Variants in TENM3 observed in about 807,000 individuals in gnomAD.
The protein encoded by TENM3 is teneurin transmembrane protein 3, also known as teneurin-3.
In TENM3, 63 loss-of-function variants were observed where a neutral mutation model predicts 255.1. That is an observed-to-expected ratio of 0.25 (90% CI 0.20 to 0.30). TENM3 has a LOEUF of 0.30. TENM3 is among the 10% of genes least tolerant of loss of function. The probability of loss-of-function intolerance (pLI) is 1.00; values close to 1 mark genes in which losing one functional copy is unlikely to be tolerated. For missense variants in TENM3, 2,929 were observed against 3,461.1 expected (o/e 0.85, Z 3.86); for synonymous variants, 1,306 against 1,322.3 (o/e 0.99, Z 0.27).
At chr4:182,224,540 C>T (rs751150743) in intron 1 of TENM3, among the ~76,000 whole-genome samples, 3 of 152,038 alleles carry the variant, frequency 2.0e-5, no homozygotes, top group East Asian at 1.9e-4. Flanking sequence ...TTATTTAAAA[C>T]GTATATTTAA....
At chr4:181,565,722 T>G in the TENM3 span, among the ~76,000 whole-genome samples, 1 of 152,216 alleles carries the variant, frequency 6.6e-6, no homozygotes, top group Admixed American at 6.5e-5. Context: ...TATTTCTATG[T>G]TAGCTAGAAT....
chr4:181,708,280 G>T, the TENM3 span, among the ~76,000 whole-genome samples: 3,895 of 152,272 alleles, frequency 0.026, 174 homozygotes, highest in African/African-American at 0.089. Context: ...TTAGGTTTAA[G>T]AAAATGGCAT....
intron 1 of TENM3, among the ~76,000 whole-genome samples, chr4:182,148,030 A>C (rs1750083500): frequency 6.6e-6 from 1 of 152,160 alleles, no homozygotes; most frequent in Non-Finnish European, 1.5e-5. Context: ...AATAAAATAA[A>C]ATAAAATAAA....
At chr4:182,677,045 A>G (rs1168761509) in intron 7 of TENM3, among the ~76,000 whole-genome samples, 1 of 152,170 alleles carries the variant, frequency 6.6e-6, no homozygotes, top group East Asian at 1.9e-4. Flanking sequence ...TACAAAGCAA[A>G]ACTCACATTT....
chr4:182,693,395 G>A (rs1056992531), intron 12 of TENM3, among the ~76,000 whole-genome samples: 2 of 150,852 alleles, frequency 1.3e-5, no homozygotes, highest in African/African-American at 4.9e-5. Flanking sequence ...GGAGTGCAAT[G>A]GCTCAATCTC....
the TENM3 span, among the ~76,000 whole-genome samples, chr4:182,118,421 T>A: frequency 2.0e-5 from 3 of 152,016 alleles, no homozygotes; most frequent in Non-Finnish European, 2.9e-5. Flanking sequence ...CTGTAGGGGT[T>A]TTTTTGTAGA....
chr4:182,312,684 G>A (rs1381945764), intron 1 of TENM3, among the ~76,000 whole-genome samples: 1 of 152,220 alleles, frequency 6.6e-6, no homozygotes, highest in Admixed American at 6.5e-5. Flanking sequence ...AAAAGTAGTG[G>A]CCTCTATATT....
the TENM3 span, among the ~76,000 whole-genome samples, chr4:181,794,894 C>A: frequency 6.6e-6 from 1 of 152,080 alleles, no homozygotes; most frequent in African/African-American, 2.4e-5. Context: ...TTTTCACAGG[C>A]TGTGCTTCTC....
chr4:182,059,959 G>C, the TENM3 span, among the ~76,000 whole-genome samples: 5 of 151,674 alleles, frequency 3.3e-5, no homozygotes, highest in African/African-American at 7.3e-5. Flanking sequence ...CTAGTCTATA[G>C]AATTGGCCTT....
At chr4:181,683,562 G>T in the TENM3 span, among the ~76,000 whole-genome samples, 6 of 152,186 alleles carry the variant, frequency 3.9e-5, no homozygotes, top group East Asian at 1.2e-3. Flanking sequence ...ATGCTGATGC[G>T]ACTGGTCCTT....
At chr4:181,937,226 G>A in the TENM3 span, among the ~76,000 whole-genome samples, 1 of 152,244 alleles carries the variant, frequency 6.6e-6, no homozygotes, top group East Asian at 1.9e-4. Flanking sequence ...TGTCAGTAGA[G>A]GAGGTAGCCT....
the TENM3 span, among the ~76,000 whole-genome samples, chr4:181,694,798 A>G: frequency 6.6e-6 from 1 of 152,194 alleles, no homozygotes; most frequent in Non-Finnish European, 1.5e-5. Context: ...TCTTTTATCT[A>G]TTTAAGAGAA....
the TENM3 span, among the ~76,000 whole-genome samples, chr4:181,611,471 A>G: frequency 6.6e-6 from 1 of 151,856 alleles, no homozygotes; most frequent in Non-Finnish European, 1.5e-5. Flanking sequence ...TCCTCTTTAC[A>G]TGATACCCAG....
the TENM3 span, among the ~76,000 whole-genome samples, chr4:181,817,822 AC>A: frequency 6.6e-6 from 1 of 152,112 alleles, no homozygotes; most frequent in Non-Finnish European, 1.5e-5. Context: ...AGCCTCTAGA[AC>A]TGTAAGAAAT....
intron 3 of TENM3, among the ~76,000 whole-genome samples, chr4:182,505,167 G>A (rs1237071742): frequency 6.6e-6 from 1 of 151,920 alleles, no homozygotes; most frequent in Non-Finnish European, 1.5e-5. Context: ...ACATTACAAT[G>A]GTCTTATGAT....
At position 182,431,011 on chromosome 4, in the gene TENM3, CTAAA is replaced by C. The variant is rs60841901; in HGVS notation, c.511+84107_511+84110del. Among the ~76,000 whole-genome samples, 607 of 148,294 alleles carry C rather than the reference CTAAA, an allele frequency of 4.1e-3. 6 individuals are homozygous for C. The highest frequency in any genetic ancestry group is 0.014 in the African/African-American group (549 of 39,942). On this transcript the variant is annotated intron_variant, in intron 3 of 27. Transcript: ENST00000511685. Reference sequence around the variant, plus strand: ...TGGGTGACACAGCAAGACTCCATCTCTAAATAAATAAATAAATAAATAAATAAAC... The same window carrying C: ...TGGGTGACACAGCAAGACTCCATCTCTAAATAAATAAATAAATAAATAAAC...
At chr4:181,949,808 C>G in the TENM3 span, among the ~76,000 whole-genome samples, 1 of 152,114 alleles carries the variant, frequency 6.6e-6, no homozygotes, top group Non-Finnish European at 1.5e-5. Flanking sequence ...GTCCTCCTCT[C>G]AAGCCCCCTG....
At chr4:181,605,203 C>T in the TENM3 span, among the ~76,000 whole-genome samples, 5 of 151,644 alleles carry the variant, frequency 3.3e-5, no homozygotes, top group Non-Finnish European at 5.9e-5. Context: ...TCCACCACTT[C>T]GCGAGGCCGA....
rs142957807 is a variant in TENM3 at position 182,603,784 on chromosome 4, T to TACAC, written c.749+2632_749+2635dup. On this transcript the variant is annotated intron_variant, in intron 4 of 27. Transcript: ENST00000511685. Reference sequence around the variant, plus strand: ...AATTATTTATATATATATATATATATACACACACACACCGATTTTGCTAAT... The same window carrying TACAC: ...AATTATTTATATATATATATATATATACACACACACACACACCGATTTTGCTAAT... Among the ~76,000 whole-genome samples, 429 of 133,584 alleles carry TACAC rather than the reference T, an allele frequency of 3.2e-3. 1 individual carries two copies. Among genetic ancestry groups the TACAC allele is most frequent in the East Asian group, 6.1e-3 (26 of 4,270 alleles). The allele number at this position is 133,584 out of a possible 152,430, so 87.6% of individuals were successfully genotyped here.
Sources: gnomAD v4.1 joint callset for allele counts (sites outside exome capture counted in the v4.1 genomes callset) on GRCh38, gnomAD v4.1.1 for gene constraint, MANE v1.5 for transcripts, NCBI Gene and HGNC (gene_info 2026-07-23, HGNC 2026-07-21) for gene names.